UNC13C: variants seen among roughly 807,000 people sequenced by gnomAD.
UNC13C encodes the protein protein unc-13 homolog C.
Under a neutral mutation model 245.4 loss-of-function variants are expected in UNC13C, and 174 were observed. The observed-to-expected ratio is 0.71, with a 90% CI of 0.63 to 0.80. The LOEUF (loss-of-function observed/expected upper bound fraction) is 0.80, where lower values mean the gene tolerates loss of function less well. UNC13C is among the 30% of genes least tolerant of loss of function. The pLI is 0.00. For missense variants in UNC13C, 2,829 were observed against 2,602.9 expected (o/e 1.09, Z -1.89); for synonymous variants, 992 against 895.1 (o/e 1.11, Z -1.93).
At chr15:54,592,123 GT>G (rs1898824043) in intron 30 of UNC13C, among the ~76,000 whole-genome samples, 1 of 152,100 alleles carries the variant, frequency 6.6e-6, no homozygotes, top group Non-Finnish European at 1.5e-5. Flanking sequence ...TCCTTTTGGA[GT>G]TTAGTTCCAG....
At chr15:54,334,260 G>A (rs575473349) in intron 16 of UNC13C, among the ~76,000 whole-genome samples, 1 of 152,158 alleles carries the variant, frequency 6.6e-6, no homozygotes, top group South Asian at 2.1e-4. Context: ...CCCAATTGTG[G>A]CAACTTCCAT....
intron 2 of UNC13C, among the ~76,000 whole-genome samples, chr15:54,038,120 A>ATTTTTTTTTTTTTTTTTTTTTTTT (rs1246982047): frequency 2.2e-5 from 1 of 45,204 alleles, no homozygotes; most frequent in African/African-American, 1.0e-4. Flanking sequence ...ATATATATAT[A>ATTTTTTTTTTTTTTTTTTTTTTTT]TATATTTTTT....
At chr15:53,901,346 A>G in the UNC13C span, among the ~76,000 whole-genome samples, 1 of 151,646 alleles carries the variant, frequency 6.6e-6, no homozygotes, top group East Asian at 2.0e-4. Flanking sequence ...CAGCCTCCCA[A>G]GTAGCTGGGA....
Position 54,056,489 on chromosome 15 carries a change from G to A in UNC13C, c.2983+40603G>A, listed in dbSNP as rs373488587. ...AAGACCAAATCTACATCTAATTGGT[G>A]TACCTGAAAGTGATGGGGAGAATGG... is the stretch of plus-strand genomic sequence containing the variant. On this transcript the variant is annotated intron_variant, in intron 2 of 32. Coordinates refer to ENST00000260323, the MANE Select transcript of UNC13C (RefSeq NM_001080534.3). Among the ~76,000 whole-genome samples the A allele has an allele frequency of 1.3e-3, 202 of 152,312 alleles. 5 individuals are homozygous for A. The South Asian group carries it at 0.041, about 31-fold the overall frequency.
chr15:54,240,085 G>A (rs1342360232), intron 7 of UNC13C, among the ~76,000 whole-genome samples: 1 of 152,056 alleles, frequency 6.6e-6, no homozygotes, highest in Admixed American at 6.6e-5. Context: ...TCGCTTTAAG[G>A]TTAAATTAGC....
intron 1 of UNC13C, among the ~76,000 whole-genome samples, chr15:53,986,694 A>C (rs1300340905): frequency 1.3e-5 from 2 of 152,070 alleles, no homozygotes; most frequent in Non-Finnish European, 2.9e-5. Context: ...TTCTCAGTTC[A>C]GTCACATATT....
At chr15:54,586,508 C>G (rs1326977948) in intron 30 of UNC13C, among the ~76,000 whole-genome samples, 1 of 152,182 alleles carries the variant, frequency 6.6e-6, no homozygotes, top group East Asian at 1.9e-4. Context: ...GACACCAGTT[C>G]TATCATATTG....
intron 18 of UNC13C, among the ~76,000 whole-genome samples, chr15:54,412,321 G>C (rs1325564527): frequency 2.0e-5 from 3 of 152,156 alleles, no homozygotes; most frequent in Admixed American, 2.0e-4. Flanking sequence ...ATGGTTGAAG[G>C]CTGAGGGGAA....
At chr15:54,117,137 ATTGAG>A (rs2030310381) in intron 2 of UNC13C, among the ~76,000 whole-genome samples, 1 of 151,692 alleles carries the variant, frequency 6.6e-6, no homozygotes. Context: ...TGTTGTTGTT[ATTGAG>A]TTATTTGAGC....
chr15:53,951,309 C>G, the UNC13C span, among the ~76,000 whole-genome samples: 1 of 152,096 alleles, frequency 6.6e-6, no homozygotes, highest in Non-Finnish European at 1.5e-5. Context: ...AACATTTTAC[C>G]CTGATTTCAC....
At chr15:54,006,612 C>T (rs181013517) in intron 1 of UNC13C, among the ~76,000 whole-genome samples, 2 of 152,324 alleles carry the variant, frequency 1.3e-5, no homozygotes, top group African/African-American at 4.8e-5. Context: ...TTTACTCCTT[C>T]ATGTGGAAAG....
chr15:54,561,470 G>GT (rs916932962), intron 29 of UNC13C, among the ~76,000 whole-genome samples: 56 of 151,440 alleles, frequency 3.7e-4, no homozygotes, highest in Non-Finnish European at 6.6e-4. Flanking sequence ...TGGATAGAAA[G>GT]TTTTTTTTTG....
At chr15:54,271,966 A>G (rs1466044045) in intron 10 of UNC13C, among the ~76,000 whole-genome samples, 2 of 152,188 alleles carry the variant, frequency 1.3e-5, no homozygotes, top group African/African-American at 2.4e-5. Flanking sequence ...AGTACCATGG[A>G]AAGTATTGAC....
intron 8 of UNC13C, among the ~76,000 whole-genome samples, chr15:54,251,615 T>C (rs2036154778): frequency 6.6e-6 from 1 of 152,236 alleles, no homozygotes; most frequent in Non-Finnish European, 1.5e-5. Context: ...AATTGACTTT[T>C]CACTACTTTA....
intron 14 of UNC13C, among the ~76,000 whole-genome samples, chr15:54,323,118 G>C (rs2038207991): frequency 6.7e-6 from 1 of 150,258 alleles, no homozygotes; most frequent in Non-Finnish European, 1.5e-5. Context: ...ATATATTTTT[G>C]TTACAGAGTA....
chr15:54,588,100 C>T (rs1898586004), intron 30 of UNC13C, among the ~76,000 whole-genome samples: 1 of 152,126 alleles, frequency 6.6e-6, no homozygotes, highest in African/African-American at 2.4e-5. Context: ...ATGGGTAGGA[C>T]ACCCTTCCCC....
At chr15:54,360,080 T>C (rs778019712) in intron 17 of UNC13C, among the ~76,000 whole-genome samples, 6 of 152,026 alleles carry the variant, frequency 3.9e-5, no homozygotes, top group Admixed American at 1.3e-4. Flanking sequence ...TTCAGGAGCA[T>C]GTTGTTTAAT....
At chr15:54,175,054 C>CA (rs2033558894) in intron 4 of UNC13C, among the ~76,000 whole-genome samples, 1 of 152,128 alleles carries the variant, frequency 6.6e-6, no homozygotes, top group African/African-American at 2.4e-5. Context: ...GCAGAATAAC[C>CA]TGCGCCTTTA....
intron 19 of UNC13C, among the ~76,000 whole-genome samples, chr15:54,451,084 G>A (rs904191741): frequency 3.9e-5 from 6 of 152,018 alleles, no homozygotes; most frequent in East Asian, 3.9e-4. Flanking sequence ...AAGCTTCTAC[G>A]TGTTATTTTG....
Sources: gnomAD v4.1 joint callset for allele counts (sites outside exome capture counted in the v4.1 genomes callset) on GRCh38, gnomAD v4.1.1 for gene constraint, MANE v1.5 for transcripts, NCBI Gene and HGNC (gene_info 2026-07-23, HGNC 2026-07-21) for gene names.